The following FRMD4B variants were observed in gnomAD, a reference collection of about 807,000 sequenced individuals.
FRMD4B encodes FERM domain containing 4B.
In FRMD4B, 74 loss-of-function variants were observed where a neutral mutation model predicts 141.5. The observed-to-expected ratio is 0.52, with a 90% CI of 0.43 to 0.63. The LOEUF is 0.63. Ranked by LOEUF, FRMD4B falls within the 30% of genes least tolerant of loss-of-function variation. FRMD4B has a pLI of 0.00. For missense variants in FRMD4B, 1,366 were observed against 1,253.4 expected, an observed-to-expected ratio of 1.09 and a Z score of -1.36; for synonymous variants, 506 against 467.9, an observed-to-expected ratio of 1.08 and a Z score of -1.05.
At chr3:69,215,952 G>A (rs1254413823) in intron 11 of FRMD4B, among the ~76,000 whole-genome samples, 1 of 152,020 alleles carries the variant, frequency 6.6e-6, no homozygotes, top group Non-Finnish European at 1.5e-5. Context: ...TCAGAAGTTT[G>A]AGACCAGCCT....
At chr3:69,497,003 C>T (rs1275504909) in intron 1 of FRMD4B, among the ~76,000 whole-genome samples, 1 of 151,906 alleles carries the variant, frequency 6.6e-6, no homozygotes, top group African/African-American at 2.4e-5. Flanking sequence ...AGGAGAATAC[C>T]TCTCGAACCC....
At chr3:69,285,944 T>C (rs1011689531) in intron 5 of FRMD4B, among the ~76,000 whole-genome samples, 1 of 152,000 alleles carries the variant, frequency 6.6e-6, no homozygotes, top group Admixed American at 6.6e-5. Context: ...AACACAAAGA[T>C]AAAGATGACA....
At chr3:69,427,567 A>G (rs1705104162) in intron 2 of FRMD4B, among the ~76,000 whole-genome samples, 1 of 147,914 alleles carries the variant, frequency 6.8e-6, no homozygotes, top group Non-Finnish European at 1.5e-5. Flanking sequence ...AAACCTTAGA[A>G]CACTTGTGTT....
intron 5 of FRMD4B, among the ~76,000 whole-genome samples, chr3:69,263,463 G>C (rs1479043338): frequency 7.2e-6 from 1 of 139,404 alleles, no homozygotes; most frequent in African/African-American, 2.7e-5. Context: ...CAGGAGTGCA[G>C]TGGTACTATC....
intron 1 of FRMD4B, among the ~76,000 whole-genome samples, chr3:69,355,297 A>G (rs1703280465): frequency 6.6e-6 from 1 of 152,224 alleles, no homozygotes; most frequent in South Asian, 2.1e-4. Flanking sequence ...TCCTAATATT[A>G]GGAGTAAATT....
rs528665493 is a variant in FRMD4B at position 69,337,664 on chromosome 3, C to A, written c.163-24147G>T. ...GGGCAAAGGATATGAACAGACACTT[C>A]TCAAAAGAAGTCACTTATGCAGCCA... On this transcript the variant is annotated intron_variant, in intron 1 of 22. Coordinates refer to ENST00000398540, the MANE Select transcript of FRMD4B (RefSeq NM_015123.3). 5.9e-5 allele frequency among the ~76,000 whole-genome samples: 9 copies of A among 152,330 alleles called. No individual in the cohort carries two copies. In the East Asian group the frequency reaches 9.6e-4, roughly 16 times the overall value.
intron 1 of FRMD4B, among the ~76,000 whole-genome samples, chr3:69,378,375 G>C (rs1428060958): frequency 3.3e-5 from 5 of 152,202 alleles, no homozygotes; most frequent in Admixed American, 3.3e-4. Context: ...AGACTCTGAA[G>C]AGCTCTTCAC....
At chr3:69,300,590 C>G (rs1312155566) in intron 4 of FRMD4B, among the ~76,000 whole-genome samples, 2 of 152,188 alleles carry the variant, frequency 1.3e-5, no homozygotes, top group African/African-American at 4.8e-5. Context: ...ATAATCTGCA[C>G]AAATCTGGTT....
intron 2 of FRMD4B, among the ~76,000 whole-genome samples, chr3:69,419,440 G>C (rs76674199): frequency 6.6e-6 from 1 of 151,968 alleles, no homozygotes; most frequent in Non-Finnish European, 1.5e-5. Flanking sequence ...GCTTATATTC[G>C]GCTCATTGAG....
chr3:69,240,945 C>T (rs1033946902), intron 7 of FRMD4B, among the ~76,000 whole-genome samples: 2 of 152,294 alleles, frequency 1.3e-5, no homozygotes, highest in South Asian at 4.1e-4. Context: ...CCGAATGCCA[C>T]GCATGCCTGT....
intron 1 of FRMD4B, among the ~76,000 whole-genome samples, chr3:69,346,425 G>T (rs912282916): frequency 6.6e-6 from 1 of 152,160 alleles, no homozygotes; most frequent in Non-Finnish European, 1.5e-5. Flanking sequence ...TTATCCAGGA[G>T]AACTTCCCCA....
At chr3:69,415,689 C>G (rs1704845860) in intron 2 of FRMD4B, among the ~76,000 whole-genome samples, 2 of 152,190 alleles carry the variant, frequency 1.3e-5, no homozygotes. Context: ...CAATTATTTT[C>G]TTTGACTTAC....
At chr3:69,358,651 A>G (rs1472551324) in intron 1 of FRMD4B, among the ~76,000 whole-genome samples, 2 of 152,166 alleles carry the variant, frequency 1.3e-5, no homozygotes, top group African/African-American at 4.8e-5. Flanking sequence ...TAGGAGAATC[A>G]CTTGAGCCTG....
Position 69,473,683 on chromosome 3 carries a change from C to A in FRMD4B, c.-128-40922G>T, listed in dbSNP as rs561038307. On this transcript the variant is annotated intron_variant, in intron 1 of 5. Coordinates refer to the FRMD4B transcript ENST00000459638. ...CTTATAATCCATCCATGTGGGCATT[C>A]ACAATGATTTTTAATAATGAGTTTA... 1.7e-4 allele frequency among the ~76,000 whole-genome samples: 26 copies of A among 152,248 alleles called. 1 individual carries two copies. In the South Asian group the frequency reaches 5.4e-3, roughly 32 times the overall value.
intron 7 of FRMD4B, among the ~76,000 whole-genome samples, chr3:69,241,612 C>G (rs1214895528): frequency 6.6e-6 from 1 of 152,090 alleles, no homozygotes; most frequent in Non-Finnish European, 1.5e-5. Flanking sequence ...AAAAAAGAAA[C>G]TGGTTGGGTG....
intron 1 of FRMD4B, among the ~76,000 whole-genome samples, chr3:69,491,772 C>G (rs948446430): frequency 6.6e-6 from 1 of 152,178 alleles, no homozygotes; most frequent in Non-Finnish European, 1.5e-5. Flanking sequence ...AAGCCTCCAG[C>G]TAGATTCACA....
chr3:69,448,322 G>A (rs771742668), intron 1 of FRMD4B, among the ~76,000 whole-genome samples: 6 of 152,154 alleles, frequency 3.9e-5, no homozygotes, highest in Non-Finnish European at 8.8e-5. Flanking sequence ...GAGACACCAC[G>A]CCTGGCCCCA....
At chr3:69,347,177 C>T (rs1311837517) in intron 1 of FRMD4B, among the ~76,000 whole-genome samples, 1 of 152,156 alleles carries the variant, frequency 6.6e-6, no homozygotes, top group East Asian at 1.9e-4. Flanking sequence ...GCAAGGGTTG[C>T]AATCCTAGTC....
intron 1 of FRMD4B, among the ~76,000 whole-genome samples, chr3:69,539,001 C>T (rs1215742072): frequency 6.6e-6 from 1 of 152,180 alleles, no homozygotes; most frequent in African/African-American, 2.4e-5. Context: ...ACAGTCATTT[C>T]AGTGAGCCTC....
Sources: gnomAD v4.1 joint callset for allele counts (sites outside exome capture counted in the v4.1 genomes callset) on GRCh38, gnomAD v4.1.1 for gene constraint, MANE v1.5 for transcripts, NCBI Gene and HGNC (gene_info 2026-07-23, HGNC 2026-07-21) for gene names.